The following PRKN variants were observed in gnomAD, a reference collection of about 807,000 sequenced individuals.
The protein encoded by PRKN is parkin RBR E3 ubiquitin protein ligase, also known as E3 ubiquitin-protein ligase parkin.
A neutral mutation model predicts 59.5 loss-of-function variants in PRKN; 56 were observed. The observed-to-expected ratio is 0.94, with a 90% CI of 0.76 to 1.18. The LOEUF (loss-of-function observed/expected upper bound fraction) is 1.18. Among genes scored for constraint, PRKN ranks in the 50% most tolerant of loss-of-function variants. The pLI is 0.00. For missense variants in PRKN, 657 were observed against 596.4 expected (o/e 1.10, Z -1.06); for synonymous variants, 250 against 222.1 (o/e 1.13, Z -1.12).
intron 6 of PRKN, among the ~76,000 whole-genome samples, chr6:161,876,928 C>T (rs1794752380): frequency 6.6e-6 from 1 of 152,072 alleles, no homozygotes; most frequent in Admixed American, 6.6e-5. Context: ...AAATTTAATT[C>T]TTATTGAAAT....
chr6:161,905,763 C>T (rs185956815), intron 6 of PRKN, among the ~76,000 whole-genome samples: 245 of 151,850 alleles, frequency 1.6e-3, no homozygotes, highest in African/African-American at 5.6e-3. Flanking sequence ...GCATTCAAGA[C>T]CAGCCTGGCC....
chr6:162,489,780 C>T (rs1792721207), intron 1 of PRKN, among the ~76,000 whole-genome samples: 1 of 152,130 alleles, frequency 6.6e-6, no homozygotes, highest in Non-Finnish European at 1.5e-5. Flanking sequence ...GATGTGCTGT[C>T]CGTGCACTCA....
intron 6 of PRKN, among the ~76,000 whole-genome samples, chr6:161,920,366 A>G (rs1778736184): frequency 6.7e-6 from 1 of 149,848 alleles, no homozygotes; most frequent in African/African-American, 2.5e-5. Context: ...CCTGGGCCAC[A>G]GAGCAAGACT....
At chr6:161,925,065 CA>C (rs1778917073) in intron 6 of PRKN, among the ~76,000 whole-genome samples, 1 of 152,046 alleles carries the variant, frequency 6.6e-6, no homozygotes, top group Non-Finnish European at 1.5e-5. Flanking sequence ...AGGAAGGAAA[CA>C]TATTAAAATT....
chr6:161,509,078 A>C (rs1260612154), intron 9 of PRKN, among the ~76,000 whole-genome samples: 1 of 152,200 alleles, frequency 6.6e-6, no homozygotes, highest in Non-Finnish European at 1.5e-5. Flanking sequence ...TCCTGACCTC[A>C]GGTGATCCGC....
intron 7 of PRKN, among the ~76,000 whole-genome samples, chr6:161,716,844 G>A (rs1259788982): frequency 6.6e-6 from 1 of 152,186 alleles, no homozygotes; most frequent in Non-Finnish European, 1.5e-5. Flanking sequence ...AGGCGGCTGG[G>A]AAGAGGCCTT....
intron 1 of PRKN, among the ~76,000 whole-genome samples, chr6:162,705,694 G>C (rs1778314044): frequency 6.6e-6 from 1 of 152,174 alleles, no homozygotes; most frequent in Non-Finnish European, 1.5e-5. Flanking sequence ...AAGACAGAAA[G>C]AATCAAATGA....
chr6:162,575,262 T>TCTTCAC (rs1780512326), intron 1 of PRKN, among the ~76,000 whole-genome samples: 4 of 152,172 alleles, frequency 2.6e-5, no homozygotes, highest in Admixed American at 2.6e-4. Flanking sequence ...CCTACTGTGT[T>TCTTCAC]CTTCACCTCT....
At chr6:161,438,428 A>G (rs1032258085) in intron 9 of PRKN, among the ~76,000 whole-genome samples, 9 of 151,810 alleles carry the variant, frequency 5.9e-5, no homozygotes, top group African/African-American at 1.7e-4. Context: ...ATGTTGGCCA[A>G]GATGGTCTCT....
intron 3 of PRKN, among the ~76,000 whole-genome samples, chr6:162,225,431 T>C (rs1379111777): frequency 6.6e-6 from 1 of 152,194 alleles, no homozygotes; most frequent in Admixed American, 6.5e-5. Context: ...TTACATGTTA[T>C]TGTGGTCTAT....
At chr6:162,334,421 C>G (rs749594858) in intron 2 of PRKN, among the ~76,000 whole-genome samples, 4 of 152,148 alleles carry the variant, frequency 2.6e-5, no homozygotes, top group Non-Finnish European at 5.9e-5. Context: ...TAGGGCCCAT[C>G]ATGCTGAAAT....
intron 1 of PRKN, among the ~76,000 whole-genome samples, chr6:162,649,122 T>C (rs1408617422): frequency 1.3e-5 from 2 of 152,150 alleles, no homozygotes; most frequent in African/African-American, 4.8e-5. Flanking sequence ...AACATTTCTT[T>C]CTCTGGAGAA....
intron 6 of PRKN, among the ~76,000 whole-genome samples, chr6:161,952,921 AG>A (rs1780041415): frequency 6.6e-6 from 1 of 152,254 alleles, no homozygotes. Context: ...GGGTAAAAGT[AG>A]GATGACGACG....
chr6:162,478,285 T>G (rs1011196617), intron 1 of PRKN, among the ~76,000 whole-genome samples: 2 of 152,190 alleles, frequency 1.3e-5, no homozygotes, highest in Non-Finnish European at 2.9e-5. Flanking sequence ...TTATCACTGT[T>G]GAAAGTGACT....
chr6:162,665,946 A>G (rs1186319330), intron 1 of PRKN, among the ~76,000 whole-genome samples: 3 of 152,216 alleles, frequency 2.0e-5, no homozygotes, highest in African/African-American at 4.8e-5. Flanking sequence ...TCTCCTATTC[A>G]GTAAATGGTG....
chr6:162,031,531 T>C (rs1783639996), intron 5 of PRKN, among the ~76,000 whole-genome samples: 1 of 134,604 alleles, frequency 7.4e-6, no homozygotes. Flanking sequence ...CTTTTTCTTT[T>C]CTTTTTCTTT....
intron 7 of PRKN, among the ~76,000 whole-genome samples, chr6:161,677,325 C>T (rs116946864): frequency 0.035 from 5,323 of 152,128 alleles, 138 homozygotes; most frequent in Middle Eastern, 0.058. Context: ...AGTGGCATTG[C>T]GAGAGATGCA....
intron 5 of PRKN, among the ~76,000 whole-genome samples, chr6:162,023,587 G>A (rs1040019894): frequency 6.6e-6 from 1 of 152,106 alleles, no homozygotes; most frequent in African/African-American, 2.4e-5. Flanking sequence ...CACGACTAGC[G>A]GCTTGCATCT....
At chr6:161,598,574 G>C (rs1781999497) in intron 7 of PRKN, among the ~76,000 whole-genome samples, 1 of 152,150 alleles carries the variant, frequency 6.6e-6, no homozygotes, top group South Asian at 2.1e-4. Context: ...ACACGCATAT[G>C]ATTTCTATAT....
Sources: allele counts gnomAD v4.1 joint callset (sites outside exome capture counted in the v4.1 genomes callset), GRCh38; gene constraint gnomAD v4.1.1; transcripts MANE v1.5; gene names NCBI Gene and HGNC (gene_info 2026-07-23, HGNC 2026-07-21).